FPGT: variants seen among roughly 807,000 people sequenced by gnomAD.
FPGT encodes the protein fucose-1-phosphate guanylyltransferase, also known as GDP-L-fucose diphosphorylase.
A neutral mutation model predicts 45.8 loss-of-function variants in FPGT; 41 were observed. The ratio of observed to expected loss-of-function variants is 0.90; its 90% CI spans 0.70 to 1.16. FPGT has a LOEUF of 1.16. Ranked by LOEUF, FPGT falls within the 50% of genes most tolerant of loss-of-function variation. The pLI, the probability that FPGT is intolerant of heterozygous loss-of-function variation, is 0.00. For missense variants in FPGT, 755 were observed against 689.1 expected, an observed-to-expected ratio of 1.10 and a Z score of -1.07; for synonymous variants, 292 against 247.2, an observed-to-expected ratio of 1.18 and a Z score of -1.70.
chr1:74,202,145 A>T (rs995368242), intron 3 of FPGT, among the ~76,000 whole-genome samples: 1 of 152,256 alleles, frequency 6.6e-6, no homozygotes, highest in Non-Finnish European at 1.5e-5. Context: ...TCTCAGAATG[A>T]AGAATAGCTT....
chr1:74,199,927 C>G, intron 2 of FPGT, 96 bp downstream of exon 2: 14 of 1,319,684 alleles, frequency 1.1e-5, no homozygotes, highest in Non-Finnish European at 1.3e-5. Context: ...AGCTGCATAT[C>G]TCTACCCACA....
At position 74,207,131 on chromosome 1, in the gene FPGT, T is replaced by G. The variant is rs1001346464; in HGVS notation, c.*1299T>G. The G allele has an allele frequency of 6.6e-6, 1 of 152,074 alleles. No homozygotes were observed. The highest frequency in any genetic ancestry group is 1.5e-5 in the Non-Finnish European group (1 of 67,960). The allele number at this position is 152,074 out of a possible 1,614,324, so 9.4% of individuals were successfully genotyped here. Reference sequence around the variant, plus strand: ...TTTGTCATTCATTAAATGTTCAAAATTGTAGTTTTACCAAATCTGAAGTGC... The same window carrying G: ...TTTGTCATTCATTAAATGTTCAAAAGTGTAGTTTTACCAAATCTGAAGTGC... On this transcript the variant is annotated 3_prime_UTR_variant, in exon 4 of 4. Coordinates refer to ENST00000370898, the MANE Select transcript of FPGT (RefSeq NM_003838.5).
In FPGT at chr1:74,208,109, T is replaced by C. The variant is rs61778030; in HGVS notation, c.*2277T>C. ...TCCATGACTATTGCTGCCTGGCTAATAGCTATTATACTATCATTTGTAAGG... is the reference window on the plus strand; with the variant it reads ...TCCATGACTATTGCTGCCTGGCTAACAGCTATTATACTATCATTTGTAAGG... On this transcript the variant is annotated 3_prime_UTR_variant, in exon 4 of 4. Transcript: ENST00000370898. Among the ~76,000 whole-genome samples, 196 of 152,030 alleles carry C rather than the reference T, an allele frequency of 1.3e-3. No homozygotes were observed. Among genetic ancestry groups the C allele is most frequent in the Non-Finnish European group, 2.3e-3 (156 of 67,940 alleles).
At position 74,202,964 on chromosome 1, in the gene FPGT, G is replaced by A. The variant is rs189293274; in HGVS notation, c.344-1427G>A. 7.2e-5 allele frequency among the ~76,000 whole-genome samples: 11 copies of A among 152,190 alleles called. No homozygotes were observed. The East Asian group carries it at 1.7e-3, about 24-fold the overall frequency. On this transcript the variant is annotated intron_variant, in intron 3 of 3. Coordinates refer to ENST00000370898, the MANE Select transcript of FPGT (RefSeq NM_003838.5). ...TGTCATCTCCTATGATAACAATGCT[G>A]CCTTCTGAAAGACCTCCTGAAGGAC...
intron 3 of FPGT, 22 bp from the exon 4 acceptor site, chr1:74,204,369 T>G (rs763223014): frequency 2.0e-6 from 3 of 1,505,916 alleles, no homozygotes; most frequent in Non-Finnish European, 2.7e-6. Flanking sequence ...TTTTAAATGG[T>G]TATTTCGTTT....
intron 3 of FPGT, among the ~76,000 whole-genome samples, chr1:74,204,001 G>A (rs1164698977): frequency 2.0e-5 from 3 of 150,698 alleles, no homozygotes; most frequent in South Asian, 2.1e-4. Context: ...AAGATCGCAC[G>A]TCACTGCACT....
At position 74,208,222 on chromosome 1, in the gene FPGT, G is replaced by A. The variant is rs879423355; in HGVS notation, c.*2390G>A. On this transcript the variant is annotated 3_prime_UTR_variant, in exon 4 of 4. Coordinates refer to ENST00000370898, the MANE Select transcript of FPGT (RefSeq NM_003838.5). ...ACCTAAGTATGTGTTTTAATAAAAGGATCTAGGCAAAAAAAAAAAAAGTAA... is the reference window on the plus strand; with the variant it reads ...ACCTAAGTATGTGTTTTAATAAAAGAATCTAGGCAAAAAAAAAAAAAGTAA... 1.5e-4 allele frequency among the ~76,000 whole-genome samples: 22 copies of A among 148,878 alleles called. No individual in the cohort carries two copies. Among genetic ancestry groups the A allele is most frequent in the African/African-American group, 5.4e-4 (22 of 40,480 alleles).
chr1:74,200,175 A>G (rs1466387306), intron 2 of FPGT, among the ~76,000 whole-genome samples: 1 of 152,240 alleles, frequency 6.6e-6, no homozygotes, highest in East Asian at 1.9e-4. Flanking sequence ...ATTTACATGA[A>G]GAAAGCAATT....
intron 3 of FPGT, 32 bp downstream of exon 3, chr1:74,201,442 T>G (rs771273980): frequency 9.0e-6 from 13 of 1,447,966 alleles, no homozygotes; most frequent in South Asian, 1.2e-5. Context: ...TTACATTTTC[T>G]TTTTAGTCTT....
chr1:74,202,104 A>G (rs1651852819), intron 3 of FPGT, among the ~76,000 whole-genome samples: 1 of 152,256 alleles, frequency 6.6e-6, no homozygotes, highest in Admixed American at 6.5e-5. Flanking sequence ...AAAATAAGAC[A>G]TTTTAAAACA....
intron 3 of FPGT, 110 bp from the exon 4 acceptor site, chr1:74,204,281 T>C: frequency 1.6e-6 from 1 of 622,018 alleles, no homozygotes; most frequent in South Asian, 3.1e-5. Context: ...ATATTAAATA[T>C]CGTTAAATAT....
chr1:74,201,971 C>T (rs1651843298), intron 3 of FPGT, among the ~76,000 whole-genome samples: 1 of 152,118 alleles, frequency 6.6e-6, no homozygotes, highest in Non-Finnish European at 1.5e-5. Flanking sequence ...TTTGCCAGTA[C>T]TTTTTATCTT....
rs1557673142 is a variant in FPGT at position 74,205,165 on chromosome 1, A to G, written c.1118A>G (p.Asn373Ser). Residue 373 changes from asparagine to serine, a missense_variant, in exon 4 of 4, where the codon AAC (asparagine) becomes AGC (serine). By Grantham distance (46) the Asn-to-Ser change is conservative. Coordinates refer to ENST00000370898, the MANE Select transcript of FPGT (RefSeq NM_003838.5). ...EEYLFYFTSDNSLKSELGLQS... is the reference protein window; with the variant it reads ...EEYLFYFTSDSSLKSELGLQS... ...TATTTGTTTTACTTTACCTCAGATA[A>G]CAGTTTAAAGTCAGAGCTCGGCTTA... 6.2e-7 allele frequency: 1 copy of G among 1,613,614 alleles called. No individual in the cohort carries two copies. The highest frequency in any genetic ancestry group is 1.7e-5 in the Admixed American group (1 of 60,028).
intron 3 of FPGT, among the ~76,000 whole-genome samples, chr1:74,203,445 G>A (rs1315049372): frequency 1.3e-5 from 2 of 151,472 alleles, no homozygotes. Context: ...CTGGAGTGCA[G>A]TGGCACGATC....
At position 74,204,584 on chromosome 1, in the gene FPGT, G is replaced by A. The variant is rs142249154; in HGVS notation, c.537G>A (p.Glu179=). ...DIELYSIGEF[E]FIRFDKPGFT... ...AACTTTATAGTATTGGAGAATTTGA[G>A]TTTATTAGGTTTGACAAACCTGGCT... The change falls in exon 4 of 4, where the codon GAG becomes GAA. Residue 179 remains glutamate, a synonymous_variant. Coordinates refer to ENST00000370898, the MANE Select transcript of FPGT (RefSeq NM_003838.5). 1,780 of 1,612,836 alleles carry A rather than the reference G, an allele frequency of 1.1e-3. 6 individuals carry two copies. Among genetic ancestry groups the A allele is most frequent in the South Asian group, 1.3e-3 (122 of 91,028 alleles).
Position 74,199,749 on chromosome 1 carries a change from G to A in FPGT, c.168G>A (p.Gln56=), listed in dbSNP as rs370760053. The change falls in exon 2 of 4, where the codon CAG becomes CAA. Residue 56 remains glutamine (Q), a synonymous_variant. Coordinates refer to ENST00000370898, the MANE Select transcript of FPGT (RefSeq NM_003838.5). ...DEKQELAYNQ[Q]LSEKLKRKEL... is the part of the protein sequence containing the mutation. ...AACAGGAACTTGCTTACAACCAACAGCTGTCAGAAAAGCTGAAAAGAAAGG... is the reference window on the plus strand; with the variant it reads ...AACAGGAACTTGCTTACAACCAACAACTGTCAGAAAAGCTGAAAAGAAAGG... 3.7e-6 allele frequency: 6 copies of A among 1,614,000 alleles called. No individual in the cohort carries two copies. Among genetic ancestry groups the A allele is most frequent in the African/African-American group, 2.7e-5 (2 of 74,910 alleles).
chr1:74,201,647 T>C (rs1204503359), intron 3 of FPGT, among the ~76,000 whole-genome samples: 2 of 152,208 alleles, frequency 1.3e-5, no homozygotes, highest in East Asian at 3.8e-4. Context: ...GTCAGTCTTT[T>C]ATGAATATTG....
chr1:74,205,215 C>T lies in FPGT; in HGVS notation c.1168C>T (p.Pro390Ser). ...ACAGTCCATAACTTTTAGTATCTTTCCAGATATACCAGAATGCTCTGGCAA... is the reference window on the plus strand; with the variant it reads ...ACAGTCCATAACTTTTAGTATCTTTTCAGATATACCAGAATGCTCTGGCAA... ...GLQSITFSIF[P>S]DIPECSGKTS... Residue 390 changes from proline to serine, a missense_variant, in exon 4 of 4, where the codon CCA becomes TCA. Physicochemically the swap from Pro to Ser is moderately conservative, Grantham distance 74. Transcript: ENST00000370898. 6.2e-7 allele frequency: 1 copy of T among 1,613,934 alleles called. No homozygotes were observed. Among genetic ancestry groups the T allele is most frequent in the Non-Finnish European group, 8.5e-7 (1 of 1,179,880 alleles).
In FPGT at chr1:74,207,480, T is replaced by C. The variant is rs1405791952; in HGVS notation, c.*1648T>C. ...GTAAGGCTGCATTTCCTGAGTGCTCTACCACACTTATGTCTGGATTTTTTT... is the reference window on the plus strand; with the variant it reads ...GTAAGGCTGCATTTCCTGAGTGCTCCACCACACTTATGTCTGGATTTTTTT... On this transcript the variant is annotated 3_prime_UTR_variant, in exon 4 of 4. Transcript: ENST00000370898. Among the ~76,000 whole-genome samples, 3 of 152,222 alleles carry C rather than the reference T, an allele frequency of 2.0e-5. No individual in the cohort carries two copies. The East Asian group carries it at 5.8e-4, about 29-fold the overall frequency.
Sources: allele counts gnomAD v4.1 joint callset (sites outside exome capture counted in the v4.1 genomes callset), GRCh38; gene constraint gnomAD v4.1.1; transcripts MANE v1.5; gene names NCBI Gene and HGNC (gene_info 2026-07-23, HGNC 2026-07-21).